The following PIK3R1 variants were observed in gnomAD, a reference collection of about 807,000 sequenced individuals.
The protein encoded by PIK3R1 is phosphoinositide-3-kinase regulatory subunit 1.
A neutral mutation model predicts 98.0 loss-of-function variants in PIK3R1; 29 were observed. That is an observed-to-expected ratio of 0.30 (90% CI 0.22 to 0.40). The LOEUF is 0.40. PIK3R1 is among the 10% of genes least tolerant of loss of function. The pLI is 1.00. For missense variants in PIK3R1, 596 were observed against 872.7 expected, an observed-to-expected ratio of 0.68 and a Z score of 3.99; for synonymous variants, 282 against 311.8, an observed-to-expected ratio of 0.90 and a Z score of 1.01.
intron 2 of PIK3R1, among the ~76,000 whole-genome samples, chr5:68,244,470 G>A (rs1937893835): frequency 7.5e-6 from 1 of 132,990 alleles, no homozygotes; most frequent in African/African-American, 2.9e-5. Context: ...TAAAATTTCT[G>A]TGGGTATGAA....
chr5:68,269,592 G>T (rs1458433301), intron 2 of PIK3R1, among the ~76,000 whole-genome samples: 1 of 152,056 alleles, frequency 6.6e-6, no homozygotes, highest in African/African-American at 2.4e-5. Context: ...GTCATTTCCT[G>T]TTGGAATTTC....
At chr5:68,273,082 C>T (rs112091446) in intron 2 of PIK3R1, among the ~76,000 whole-genome samples, 1 of 152,168 alleles carries the variant, frequency 6.6e-6, no homozygotes, top group African/African-American at 2.4e-5. Context: ...TCCCATCCAT[C>T]CTGCCACTCC....
At chr5:68,297,356 A>T in intron 15 of PIK3R1, 56 bp from the exon 16 acceptor site, 2 of 1,350,042 alleles carry the variant, frequency 1.5e-6, no homozygotes, top group Non-Finnish European at 2.1e-6. Context: ...TGCCCTGAAG[A>T]GTTGTGAATT....
At chr5:68,272,100 A>C (rs1005799071) in intron 2 of PIK3R1, among the ~76,000 whole-genome samples, 2 of 151,870 alleles carry the variant, frequency 1.3e-5, no homozygotes, top group Non-Finnish European at 2.9e-5. Context: ...AAAATATACA[A>C]AAAATTAGCT....
At chr5:68,286,536 T>C (rs1393442439) in intron 7 of PIK3R1, among the ~76,000 whole-genome samples, 1 of 152,226 alleles carries the variant, frequency 6.6e-6, no homozygotes, top group Non-Finnish European at 1.5e-5. Context: ...ATAAAGAACA[T>C]GTGTCTTGCA....
intron 1 of PIK3R1, among the ~76,000 whole-genome samples, chr5:68,216,338 C>T (rs1743879757): frequency 6.6e-6 from 1 of 152,208 alleles, no homozygotes; most frequent in Non-Finnish European, 1.5e-5. Flanking sequence ...TCCGGGGCCC[C>T]TCACCGGAGG....
At chr5:68,258,453 G>A (rs1044068826) in intron 2 of PIK3R1, among the ~76,000 whole-genome samples, 41 of 152,064 alleles carry the variant, frequency 2.7e-4, no homozygotes, top group African/African-American at 6.3e-4. Flanking sequence ...TACATATTTC[G>A]ACCTCTGCCC....
chr5:68,247,690 T>G (rs950322868), intron 2 of PIK3R1, among the ~76,000 whole-genome samples: 6 of 151,090 alleles, frequency 4.0e-5, no homozygotes, highest in Non-Finnish European at 8.8e-5. Context: ...CTGATCCTCC[T>G]ACCTCAGCCT....
intron 6 of PIK3R1, 63 bp from the exon 7 acceptor site, chr5:68,280,864 T>C: frequency 1.6e-6 from 2 of 1,267,278 alleles, no homozygotes; most frequent in Non-Finnish European, 2.3e-6. Context: ...CACTTGAGTG[T>C]ATATAAATGA....
At chr5:68,262,948 TACATGTAG>T (rs1745919334) in intron 2 of PIK3R1, among the ~76,000 whole-genome samples, 1 of 82,524 alleles carries the variant, frequency 1.2e-5, no homozygotes, top group African/African-American at 5.2e-5. Flanking sequence ...TACATGTAGA[TACATGTAG>T]ATACATGTAT....
At chr5:68,248,996 G>A (rs552154420) in intron 2 of PIK3R1, among the ~76,000 whole-genome samples, 3 of 152,310 alleles carry the variant, frequency 2.0e-5, no homozygotes, top group Admixed American at 6.5e-5. Flanking sequence ...GTATTGCAGC[G>A]TGATTCAAAA....
At chr5:68,287,528 T>A (rs1747129770) in intron 7 of PIK3R1, among the ~76,000 whole-genome samples, 1 of 152,238 alleles carries the variant, frequency 6.6e-6, no homozygotes, top group Non-Finnish European at 1.5e-5. Flanking sequence ...TTTGGTGATT[T>A]CCCTGGATAA....
At chr5:68,252,648 G>C (rs986238237) in intron 2 of PIK3R1, among the ~76,000 whole-genome samples, 3 of 152,176 alleles carry the variant, frequency 2.0e-5, no homozygotes, top group African/African-American at 7.2e-5. Context: ...TACTCTGATA[G>C]TAAATTAGTA....
At chr5:68,296,419 G>T (rs1485771808) in intron 15 of PIK3R1, 78 bp downstream of exon 15, 5 of 1,363,434 alleles carry the variant, frequency 3.7e-6, no homozygotes, top group Non-Finnish European at 5.1e-6. Context: ...GAGTTTTGGG[G>T]GCAAAGATTT....
chr5:68,294,571 T>C lies in PIK3R1; in HGVS notation c.1461T>C (p.Phe487=), dbSNP rs760517345. 6.2e-7 allele frequency: 1 copy of C among 1,611,474 alleles called. No individual in the cohort carries two copies. Among genetic ancestry groups the C allele is most frequent in the Non-Finnish European group, 8.5e-7 (1 of 1,178,410 alleles). The change falls in exon 12 of 16, where the codon TTT becomes TTC. Residue 487 remains phenylalanine (F), a synonymous_variant. Transcript: ENST00000521381. ...TGAAAAGGACAGCTATTGAAGCATT[T>C]AATGAAACCATAAAAATATTTGAAG... ...IQMKRTAIEA[F]NETIKIFEEQ...
rs1252543688 is a variant in PIK3R1 at position 68,301,403 on chromosome 5, T to C, written c.*3802T>C. ...GTGTGTGTGTGTGTGTATATATATA[T>C]ATATATATATATATATATATATATA... On this transcript the variant is annotated 3_prime_UTR_variant, in exon 16 of 16. Transcript: ENST00000521381. 1.5e-5 allele frequency: 1 copy of C among 68,330 alleles called. No homozygotes were observed. The highest frequency in any genetic ancestry group is 2.8e-5 in the Non-Finnish European group (1 of 35,226). 4.2% of individuals were successfully genotyped at this position (68,330 alleles called of 1,614,324 possible).
At chr5:68,224,072 A>G (rs1259615639) in intron 1 of PIK3R1, among the ~76,000 whole-genome samples, 2 of 152,218 alleles carry the variant, frequency 1.3e-5, no homozygotes, top group East Asian at 3.8e-4. Flanking sequence ...CCTAAAAGAC[A>G]TACATTGCCA....
chr5:68,298,806 T>G lies in PIK3R1; in HGVS notation c.*1205T>G, dbSNP rs909409880. 4.3e-6 allele frequency: 1 copy of G among 233,048 alleles called. No individual in the cohort carries two copies. The highest frequency in any genetic ancestry group is 8.5e-6 in the Non-Finnish European group (1 of 117,904). The allele number at this position is 233,048 out of a possible 1,614,324, so 14.4% of individuals were successfully genotyped here. A position where few individuals can be genotyped will look rare whatever the true frequency, so the allele number is the denominator to read the frequency against. ...GAGTCCAACAATGTTGTTTTAAGAC[T>G]CTTAAAATACGGTACCTGGCAATGT... On this transcript the variant is annotated 3_prime_UTR_variant, in exon 16 of 16. Transcript: ENST00000521381.
chr5:68,221,813 G>T (rs2111940312), intron 1 of PIK3R1, among the ~76,000 whole-genome samples: 1 of 152,302 alleles, frequency 6.6e-6, no homozygotes, highest in Non-Finnish European at 1.5e-5. Flanking sequence ...AATAGAAAGA[G>T]AATTTCTCTG....
Sources: gnomAD v4.1 joint callset for allele counts (sites outside exome capture counted in the v4.1 genomes callset) on GRCh38, gnomAD v4.1.1 for gene constraint, MANE v1.5 for transcripts, NCBI Gene and HGNC (gene_info 2026-07-23, HGNC 2026-07-21) for gene names.